Variants in COA6 observed in about 807,000 individuals in gnomAD.
The protein encoded by COA6 is cytochrome c oxidase assembly factor 6 homolog.
In COA6, 12 loss-of-function variants were observed where a neutral mutation model predicts 17.1. That is an observed-to-expected ratio of 0.70 (90% CI 0.45 to 1.14). The LOEUF is 1.14. Ranked by LOEUF, COA6 falls within the 50% of genes most tolerant of loss-of-function variation. The pLI is 0.00. For synonymous variants in COA6, 90 were observed against 73.4 expected (o/e 1.23, Z -1.16); for missense variants, 246 against 196.5 (o/e 1.25, Z -1.51).
At chr1:234,383,579 C>A in intron 2 of COA6, 144 bp from the exon 3 acceptor site, 1 of 547,358 alleles carries the variant, frequency 1.8e-6, no homozygotes, top group Non-Finnish European at 3.3e-6. Context: ...AGCTGACACA[C>A]ACACACACAC....
In COA6 at chr1:234,374,237, G is replaced by T; in HGVS notation, c.220G>T (p.Ala74Ser). 6.2e-7 allele frequency: 1 copy of T among 1,609,812 alleles called. No individual in the cohort carries two copies. ...AGRGRAESFI[A>S]VGMAAPSMKE... ...TATTATTTTGGCCAACAGCTTCATC[G>T]CAGTAGGAATGGCAGCCCCATCTAT... Residue 74 changes from alanine (A) to serine (S), a missense_variant, in exon 2 of 3, where the codon GCA becomes TCA. Transcript: ENST00000366615.
chr1:234,377,133 T>TTTTTTTTGTTTTTGTTG (rs60899682), intron 2 of COA6, among the ~76,000 whole-genome samples: 2 of 69,572 alleles, frequency 2.9e-5, no homozygotes, highest in African/African-American at 9.2e-5. Flanking sequence ...TTTTGTTTTT[T>TTTTTTTTGTTTTTGTTG]TTGTTGTTGT....
At chr1:234,382,168 C>T (rs1187261203) in intron 2 of COA6, among the ~76,000 whole-genome samples, 1 of 152,160 alleles carries the variant, frequency 6.6e-6, no homozygotes, top group Non-Finnish European at 1.5e-5. Flanking sequence ...GTTTTGACAA[C>T]CTCAGTACAA....
Position 234,374,078 on chromosome 1 carries a change from T to A in COA6, c.213-152T>A, listed in dbSNP as rs552043505. 24 of 999,010 alleles carry A rather than the reference T, an allele frequency of 2.4e-5. No individual in the cohort carries two copies. The African/African-American group carries it at 3.9e-4, about 16-fold the overall frequency. The allele number at this position is 999,010 out of a possible 1,614,324, so 61.9% of individuals were successfully genotyped here. A position where few individuals can be genotyped will look rare whatever the true frequency, so the allele number is the denominator to read the frequency against. ...GAACTGATTGGGTTCAGTTGCCTCATCAAAATCCCTAAGCATGGTTTTGTT... is the reference window on the plus strand; with the variant it reads ...GAACTGATTGGGTTCAGTTGCCTCAACAAAATCCCTAAGCATGGTTTTGTT... On this transcript the variant is annotated intron_variant, in intron 1 of 2. Coordinates refer to ENST00000366615, the MANE Select transcript of COA6 (RefSeq NM_001206641.3).
At position 234,383,804 on chromosome 1, in the gene COA6, A is replaced by C; in HGVS notation, c.454A>C (p.Thr152Pro). 1 of 1,565,458 alleles carries C rather than the reference A, an allele frequency of 6.4e-7. No individual in the cohort carries two copies. Among genetic ancestry groups the C allele is most frequent in the Non-Finnish European group, 8.8e-7 (1 of 1,139,040 alleles). The change falls in exon 3 of 3, where the codon ACT becomes CCT. Residue 152 changes from threonine (T) to proline (P), a missense_variant. Transcript: ENST00000366615. ...AGGACAATTTGAGCCTTCAGAAACAACTGCAAAATCCTAGGCTGTTCATAA... is the reference window on the plus strand; with the variant it reads ...AGGACAATTTGAGCCTTCAGAAACACCTGCAAAATCCTAGGCTGTTCATAA... ...EAGQFEPSET[T>P]AKS is the part of the protein sequence containing the mutation.
At chr1:234,374,994 A>G (rs1658749186) in intron 2 of COA6, among the ~76,000 whole-genome samples, 1 of 152,182 alleles carries the variant, frequency 6.6e-6, no homozygotes, top group South Asian at 2.1e-4. Flanking sequence ...GTACCTGTTA[A>G]GATAGGTGTT....
chr1:234,383,509 C>A (rs1372832505), intron 2 of COA6, among the ~76,000 whole-genome samples: 1 of 150,534 alleles, frequency 6.6e-6, no homozygotes, highest in Admixed American at 6.7e-5. Flanking sequence ...ACGTTGTGCA[C>A]GTGTACCCTA....
rs1658726336 is a variant in COA6 at position 234,374,449 on chromosome 1, A to C, written c.372+60A>C. 1.9e-6 allele frequency: 3 copies of C among 1,555,252 alleles called. No individual in the cohort carries two copies. In the Admixed American group the frequency reaches 5.4e-5, roughly 28 times the overall value. ...TAAGATACATCGAGCTTATACTGTG[A>C]GTGGTAGGCTGACATGAAGCGCTCT... On this transcript the variant is annotated intron_variant, in intron 2 of 2. Coordinates refer to ENST00000366615, the MANE Select transcript of COA6 (RefSeq NM_001206641.3).
chr1:234,380,092 C>G (rs1382176932), intron 2 of COA6, among the ~76,000 whole-genome samples: 1 of 152,192 alleles, frequency 6.6e-6, no homozygotes, highest in Non-Finnish European at 1.5e-5. Context: ...TTCTTCTGCA[C>G]CACTGTTCTT....
chr1:234,374,434 C>G (rs745789319), intron 2 of COA6, 45 bp downstream of exon 2: 10 of 1,591,402 alleles, frequency 6.3e-6, no homozygotes, highest in Non-Finnish European at 7.7e-6. Context: ...TAAGATACAT[C>G]GAGCTTATAC....
rs1321298979 is a variant in COA6, at chr1:234,384,042, C to T, written c.*224C>T. On this transcript the variant is annotated 3_prime_UTR_variant, in exon 3 of 3. Coordinates refer to ENST00000366615, the MANE Select transcript of COA6 (RefSeq NM_001206641.3). ...GAAAAAAAGTAAAACCTGTTATAAA[C>T]ACATGCACTTTTGTTTTGTTTTTGT... is the stretch of plus-strand genomic sequence containing the variant. The T allele has an allele frequency of 1.0e-5, 4 of 381,646 alleles. No individual in the cohort carries two copies. The highest frequency in any genetic ancestry group is 1.9e-5 in the Non-Finnish European group (4 of 208,504). 23.6% of individuals were successfully genotyped at this position (381,646 alleles called of 1,614,324 possible). A position where few individuals can be genotyped will look rare whatever the true frequency, so the allele number is the denominator to read the frequency against.
Position 234,373,674 on chromosome 1 carries a change from G to T in COA6, c.208G>T (p.Glu70Ter). ...AAAGGAAGCCGGACGTGGGCGGGCA[G>T]AGAGGTCGGCTTGCTGATGGGTCCG... Reference protein sequence around the residue: ...HRKEAGRGRAESFIAVGMAAP... With the variant: ...HRKEAGRGRA The change falls in exon 1 of 3, where the codon GAG becomes TAG. Residue 70 changes from glutamate (E) to a stop codon, truncating the protein, a stop_gained. Coordinates refer to ENST00000366615, the MANE Select transcript of COA6 (RefSeq NM_001206641.3). LOFTEE classifies it high-confidence loss of function. 2 of 1,612,946 alleles carry T rather than the reference G, an allele frequency of 1.2e-6. No individual in the cohort carries two copies. The highest frequency in any genetic ancestry group is 2.2e-5 in the South Asian group (2 of 91,014).
intron 2 of COA6, among the ~76,000 whole-genome samples, chr1:234,377,106 G>C: frequency 2.2e-5 from 1 of 45,626 alleles, no homozygotes; most frequent in African/African-American, 1.4e-4. Flanking sequence ...GAGAGATCCA[G>C]TCTCTGTCTC....
At chr1:234,377,059 C>CGA (rs71170479) in intron 2 of COA6, among the ~76,000 whole-genome samples, 4,759 of 82,504 alleles carry the variant, frequency 0.058, 497 homozygotes, top group Middle Eastern at 0.092. Context: ...GCTGTGTTGC[C>CGA]GAGAGAGAGA....
intron 2 of COA6, among the ~76,000 whole-genome samples, chr1:234,376,212 C>T (rs1169773212): frequency 6.6e-6 from 1 of 152,206 alleles, no homozygotes; most frequent in African/African-American, 2.4e-5. Context: ...CCTCTCTCTC[C>T]TCCTGCAACC....
At position 234,374,448 on chromosome 1, in the gene COA6, G is replaced by A. The variant is rs1027814726; in HGVS notation, c.372+59G>A. ...TTAAGATACATCGAGCTTATACTGT[G>A]AGTGGTAGGCTGACATGAAGCGCTC... On this transcript the variant is annotated intron_variant, in intron 2 of 2. Coordinates refer to ENST00000366615, the MANE Select transcript of COA6 (RefSeq NM_001206641.3). 11 of 1,561,538 alleles carry A rather than the reference G, an allele frequency of 7.0e-6. No homozygotes were observed. In the Admixed American group the frequency reaches 1.8e-4, roughly 25 times the overall value.
intron 2 of COA6, among the ~76,000 whole-genome samples, chr1:234,380,705 T>C (rs181754127): frequency 6.6e-6 from 1 of 152,370 alleles, no homozygotes; most frequent in Admixed American, 6.5e-5. Flanking sequence ...CTCATCAGTA[T>C]GATGTGTATA....
At chr1:234,383,598 A>ACACACACACACAC in intron 2 of COA6, 125 bp from the exon 3 acceptor site, 26 of 592,702 alleles carry the variant, frequency 4.4e-5, no homozygotes, top group Non-Finnish European at 5.2e-5. Flanking sequence ...ACACACACAC[A>ACACACACACACAC]AAATGGTTCT....
At chr1:234,383,302 C>G (rs1181625926) in intron 2 of COA6, among the ~76,000 whole-genome samples, 1 of 145,534 alleles carries the variant, frequency 6.9e-6, no homozygotes, top group African/African-American at 2.6e-5. Context: ...GAGACTTTTT[C>G]ATCAAATGCC....
Sources: allele counts gnomAD v4.1 joint callset (sites outside exome capture counted in the v4.1 genomes callset), GRCh38; gene constraint gnomAD v4.1.1; transcripts MANE v1.5; gene names NCBI Gene and HGNC (gene_info 2026-07-23, HGNC 2026-07-21).